Variants in ERBB4 observed in about 807,000 individuals in gnomAD.
ERBB4 encodes the protein receptor tyrosine-protein kinase erbB-4.
Under a neutral mutation model 158.0 loss-of-function variants are expected in ERBB4, and 42 were observed. The observed-to-expected ratio is 0.27, with a 90% CI of 0.21 to 0.34. The LOEUF (loss-of-function observed/expected upper bound fraction) is 0.34, where lower values mean the gene tolerates loss of function less well. ERBB4 is among the 10% of genes least tolerant of loss of function. The probability of loss-of-function intolerance (pLI) is 1.00; values close to 1 mark genes in which losing one functional copy is unlikely to be tolerated. For missense variants in ERBB4, 1,333 were observed against 1,624.1 expected (o/e 0.82, Z 3.08); for synonymous variants, 583 against 558.7 (o/e 1.04, Z -0.61).
chr2:212,132,967 A>G (rs1295837330), intron 1 of ERBB4, among the ~76,000 whole-genome samples: 1 of 152,118 alleles, frequency 6.6e-6, no homozygotes, highest in Non-Finnish European at 1.5e-5. Context: ...AGAAAATAAC[A>G]GGTCATACTT....
chr2:211,750,556 G>A (rs1024437777), intron 5 of ERBB4, 83 bp downstream of exon 5: 3 of 1,200,068 alleles, frequency 2.5e-6, no homozygotes, highest in Admixed American at 3.4e-5. Flanking sequence ...TCATGTTTTA[G>A]ATGACCAGAG....
chr2:211,612,310 G>A (rs1192849964), intron 19 of ERBB4, among the ~76,000 whole-genome samples: 3 of 152,052 alleles, frequency 2.0e-5, no homozygotes, highest in Non-Finnish European at 4.4e-5. Flanking sequence ...CTTGCTCATA[G>A]ATATGCAGTG....
intron 20 of ERBB4, among the ~76,000 whole-genome samples, chr2:211,453,795 G>T (rs2064308348): frequency 6.6e-6 from 1 of 152,128 alleles, no homozygotes; most frequent in Non-Finnish European, 1.5e-5. Context: ...AGATTCACTT[G>T]CTGTTTTGTA....
Position 212,373,800 on chromosome 2 carries a change from CATATATATATCCATGTATATATCCAT to C in ERBB4, c.82+164623_82+164648del, listed in dbSNP as rs1206677980. ...ATGTATATATCCACGTATATATATC[CATATATATATCCATGTATATATCCAT>C]ATATATATATATCCATGTATATATC... On this transcript the variant is annotated intron_variant, in intron 1 of 27. Coordinates refer to ENST00000342788, the MANE Select transcript of ERBB4 (RefSeq NM_005235.3). 1.1e-3 allele frequency among the ~76,000 whole-genome samples: 102 copies of C among 90,308 alleles called. 9 individuals carry two copies. The highest frequency in any genetic ancestry group is 4.0e-3 in the African/African-American group (94 of 23,276). 59.2% of individuals were successfully genotyped at this position (90,308 alleles called of 152,430 possible). A position where few individuals can be genotyped will look rare whatever the true frequency, so the allele number is the denominator to read the frequency against.
intron 1 of ERBB4, among the ~76,000 whole-genome samples, chr2:212,289,126 C>A (rs2086112730): frequency 6.6e-6 from 1 of 152,098 alleles, no homozygotes; most frequent in South Asian, 2.1e-4. Flanking sequence ...CTACATAATT[C>A]GTCATATACT....
intron 5 of ERBB4, among the ~76,000 whole-genome samples, chr2:211,746,564 C>G (rs1301344904): frequency 1.3e-5 from 2 of 152,296 alleles, no homozygotes; most frequent in East Asian, 1.9e-4. Flanking sequence ...TGCACTGGCT[C>G]ACACCTGTAA....
chr2:211,883,722 G>A (rs1048706304), intron 3 of ERBB4, among the ~76,000 whole-genome samples: 1 of 152,266 alleles, frequency 6.6e-6, no homozygotes. Flanking sequence ...AACCCAGGAG[G>A]TGGAGGTTGT....
At chr2:212,501,755 T>C (rs1030939214) in intron 1 of ERBB4, among the ~76,000 whole-genome samples, 2 of 152,104 alleles carry the variant, frequency 1.3e-5, no homozygotes, top group African/African-American at 4.8e-5. Flanking sequence ...ACATAAACTT[T>C]AGTGTACTCT....
At chr2:212,361,886 C>T (rs2089699689) in intron 1 of ERBB4, among the ~76,000 whole-genome samples, 1 of 151,542 alleles carries the variant, frequency 6.6e-6, no homozygotes. Context: ...AAAAGTAGAA[C>T]AGGGTAACAA....
chr2:211,889,675 G>T (rs1289720143), intron 3 of ERBB4, among the ~76,000 whole-genome samples: 1 of 144,314 alleles, frequency 6.9e-6, no homozygotes. Context: ...TTAGAAGAAT[G>T]TATAACTAGA....
chr2:212,250,914 A>G (rs949410841), intron 1 of ERBB4, among the ~76,000 whole-genome samples: 1 of 152,014 alleles, frequency 6.6e-6, no homozygotes, highest in Admixed American at 6.6e-5. Context: ...ATTTTTAAAA[A>G]GATTTTCACA....
intron 25 of ERBB4, among the ~76,000 whole-genome samples, chr2:211,404,295 A>G (rs982092999): frequency 1.9e-4 from 29 of 152,012 alleles, no homozygotes; most frequent in African/African-American, 7.0e-4. Context: ...CAAGTTTTCT[A>G]CGCCTTTGGT....
At chr2:211,487,370 A>T (rs1481687997) in intron 20 of ERBB4, among the ~76,000 whole-genome samples, 1 of 96,016 alleles carries the variant, frequency 1.0e-5, no homozygotes, top group Non-Finnish European at 2.1e-5. Context: ...TAAAATAAAT[A>T]AAAAAATAAA....
intron 3 of ERBB4, among the ~76,000 whole-genome samples, chr2:211,943,314 G>A (rs534797126): frequency 1.4e-4 from 21 of 152,016 alleles, no homozygotes; most frequent in African/African-American, 3.9e-4. Flanking sequence ...ATTAAATGTC[G>A]ATTTGAATAG....
At chr2:212,249,048 A>T (rs541482855) in intron 1 of ERBB4, among the ~76,000 whole-genome samples, 1 of 152,134 alleles carries the variant, frequency 6.6e-6, no homozygotes, top group Non-Finnish European at 1.5e-5. Context: ...ATCGTTTCTA[A>T]TTTATATTTG....
chr2:211,836,812 T>C (rs1039024814), intron 3 of ERBB4, among the ~76,000 whole-genome samples: 2 of 151,840 alleles, frequency 1.3e-5, no homozygotes, highest in African/African-American at 4.8e-5. Context: ...TTCGGTAATA[T>C]TATAAATTAG....
intron 3 of ERBB4, among the ~76,000 whole-genome samples, chr2:211,942,843 A>G (rs182656586): frequency 2.0e-5 from 3 of 152,300 alleles, no homozygotes; most frequent in African/African-American, 7.2e-5. Context: ...CTCATAATTT[A>G]TAAAGTGAAA....
rs187650989 is a variant in ERBB4, at chr2:211,946,014, C to T, written c.421+1416G>A. On this transcript the variant is annotated intron_variant, in intron 3 of 27. Coordinates refer to ENST00000342788, the MANE Select transcript of ERBB4 (RefSeq NM_005235.3). ...ATTTCAATCGTTCAATTGTTCTCTA[C>T]ACATTTCATTTCCAAAATTCTTTCT... is the stretch of plus-strand genomic sequence containing the variant. Among the ~76,000 whole-genome samples, 269 of 152,084 alleles carry T rather than the reference C, an allele frequency of 1.8e-3. 1 individual carries two copies. The highest frequency in any genetic ancestry group is 6.1e-3 in the African/African-American group (253 of 41,540).
At chr2:212,065,421 C>G (rs892043507) in intron 2 of ERBB4, among the ~76,000 whole-genome samples, 1 of 151,618 alleles carries the variant, frequency 6.6e-6, no homozygotes, top group Non-Finnish European at 1.5e-5. Flanking sequence ...AGTTTATTTC[C>G]CGGTGATTTA....
Sources: allele counts gnomAD v4.1 joint callset (sites outside exome capture counted in the v4.1 genomes callset), GRCh38; gene constraint gnomAD v4.1.1; transcripts MANE v1.5; gene names NCBI Gene and HGNC (gene_info 2026-07-23, HGNC 2026-07-21).